The following USP34 variants were observed in gnomAD, a reference collection of about 807,000 sequenced individuals.
USP34 encodes the protein ubiquitin specific peptidase 34, also known as ubiquitin carboxyl-terminal hydrolase 34.
Under a neutral mutation model 460.3 loss-of-function variants are expected in USP34, and 70 were observed. The ratio of observed to expected loss-of-function variants is 0.15; its 90% CI spans 0.13 to 0.19. The LOEUF (loss-of-function observed/expected upper bound fraction) is 0.19, where lower values mean the gene tolerates loss of function less well. Among genes scored for constraint, USP34 ranks in the 10% least tolerant of loss-of-function variants. The pLI, the probability that USP34 is intolerant of heterozygous loss-of-function variation, is 1.00. For synonymous variants in USP34, 1,647 were observed against 1,405.3 expected (o/e 1.17, Z -3.85); for missense variants, 3,985 against 4,236.2 (o/e 0.94, Z 1.65).
chr2:61,229,051 G>T, intron 59 of USP34, 56 bp from the exon 60 acceptor site: 1 of 1,320,476 alleles, frequency 7.6e-7, no homozygotes, highest in South Asian at 2.2e-5. Context: ...AATACTGTTC[G>T]AGAGAAAAAG....
intron 1 of USP34, among the ~76,000 whole-genome samples, chr2:61,462,252 A>G (rs568922688): frequency 1.4e-4 from 21 of 149,988 alleles, no homozygotes; most frequent in African/African-American, 5.2e-4. Context: ...GGGGAAAAAA[A>G]AAAAAAAGAA....
chr2:61,225,467 ACTT>A (rs1687700665), intron 62 of USP34, among the ~76,000 whole-genome samples: 1 of 152,028 alleles, frequency 6.6e-6, no homozygotes, highest in South Asian at 2.1e-4. Flanking sequence ...TTTAGAGATT[ACTT>A]CTTATTCATT....
chr2:61,446,053 A>G (rs1048406421), intron 1 of USP34, among the ~76,000 whole-genome samples: 2 of 148,920 alleles, frequency 1.3e-5, no homozygotes, highest in African/African-American at 2.5e-5. Context: ...GGCAGAGATT[A>G]CAGTGAGCCA....
intron 3 of USP34, among the ~76,000 whole-genome samples, chr2:61,395,831 C>T (rs566671414): frequency 4.7e-5 from 7 of 150,034 alleles, no homozygotes; most frequent in Non-Finnish European, 7.4e-5. Flanking sequence ...TTTGGGAGGC[C>T]GAGGCGGGTG....
At chr2:61,387,503 ATATG>A (rs954901399) in intron 5 of USP34, among the ~76,000 whole-genome samples, 10 of 148,786 alleles carry the variant, frequency 6.7e-5, no homozygotes, top group Admixed American at 4.0e-4. Context: ...GAGTGTATAT[ATATG>A]TATGTATGTA....
chr2:61,272,033 G>A (rs572671468), intron 41 of USP34, among the ~76,000 whole-genome samples: 56 of 152,164 alleles, frequency 3.7e-4, no homozygotes, highest in Non-Finnish European at 6.9e-4. Context: ...TGGTTTTACC[G>A]CCTATTACCC....
At chr2:61,231,929 G>T (rs1687917859) in intron 58 of USP34, among the ~76,000 whole-genome samples, 1 of 150,650 alleles carries the variant, frequency 6.6e-6, no homozygotes, top group Non-Finnish European at 1.5e-5. Context: ...ATAGTAACTG[G>T]AAAGTGGCAT....
At chr2:61,235,698 T>G (rs1572858726) in intron 57 of USP34, 147 bp downstream of exon 57, 1 of 693,720 alleles carries the variant, frequency 1.4e-6, no homozygotes, top group African/African-American at 1.8e-5. Flanking sequence ...AAATTATAAC[T>G]TTCTCAGCTA....
chr2:61,257,525 C>G (rs185554725), intron 44 of USP34, among the ~76,000 whole-genome samples, 175 bp from the exon 45 acceptor site: 159 of 152,206 alleles, frequency 1.0e-3, no homozygotes, highest in Non-Finnish European at 1.6e-3. Flanking sequence ...ATTTAATGGT[C>G]TTGGTGCTAG....
At chr2:61,224,654 T>C (rs1368088148) in intron 62 of USP34, among the ~76,000 whole-genome samples, 1 of 152,226 alleles carries the variant, frequency 6.6e-6, no homozygotes, top group Non-Finnish European at 1.5e-5. Context: ...CTGTTTTCCA[T>C]TATTTATCAG....
At chr2:61,385,882 G>C (rs1229108588) in intron 5 of USP34, among the ~76,000 whole-genome samples, 2 of 150,576 alleles carry the variant, frequency 1.3e-5, no homozygotes, top group Non-Finnish European at 2.9e-5. Flanking sequence ...TGTAATCCCA[G>C]CTACTTGGGA....
intron 25 of USP34, among the ~76,000 whole-genome samples, chr2:61,312,471 T>C (rs72886832): frequency 0.13 from 19,433 of 150,462 alleles, 1,412 homozygotes; most frequent in African/African-American, 0.16. Flanking sequence ...AATTTTCTAA[T>C]TTTCAGATGT....
chr2:61,432,506 C>A (rs1694707188), intron 1 of USP34, among the ~76,000 whole-genome samples: 1 of 151,780 alleles, frequency 6.6e-6, no homozygotes, highest in Non-Finnish European at 1.5e-5. Flanking sequence ...AAGCTGGACA[C>A]AGTGGTGTGT....
intron 43 of USP34, among the ~76,000 whole-genome samples, chr2:61,261,972 T>A (rs1688892724): frequency 6.6e-6 from 1 of 150,392 alleles, no homozygotes; most frequent in African/African-American, 2.5e-5. Context: ...GTGCCTGTAA[T>A]CCCAGCTATT....
intron 10 of USP34, among the ~76,000 whole-genome samples, chr2:61,365,649 G>A (rs926776947): frequency 6.6e-6 from 1 of 151,986 alleles, no homozygotes; most frequent in African/African-American, 2.4e-5. Flanking sequence ...CAGGAGTTGA[G>A]GAAAAAGGAT....
At position 61,453,199 on chromosome 2, in the gene USP34, C is replaced by T. The variant is rs541105126; in HGVS notation, c.43+17451G>A. 2.9e-4 allele frequency among the ~76,000 whole-genome samples: 44 copies of T among 151,642 alleles called. 1 individual carries two copies. In the East Asian group the frequency reaches 8.4e-3, roughly 29 times the overall value. On this transcript the variant is annotated intron_variant, in intron 1 of 79. Coordinates refer to ENST00000398571, the MANE Select transcript of USP34 (RefSeq NM_014709.4). The stretch of plus-strand genomic sequence containing the variant: ...GCCGAAGCGGGTGGATTGCTAGAGC[C>T]CATGAGTTCGAGACCAGCCTGGGCA...
At position 61,232,548 on chromosome 2, in the gene USP34, A is replaced by T. The variant is rs1361256575; in HGVS notation, c.7033-16T>A. 6.3e-6 allele frequency: 10 copies of T among 1,587,432 alleles called. No homozygotes were observed. The highest frequency in any genetic ancestry group is 8.6e-6 in the Non-Finnish European group (10 of 1,166,296). On this transcript the variant is annotated splice_polypyrimidine_tract_variant and intron_variant, in intron 57 of 79. Coordinates refer to ENST00000398571, the MANE Select transcript of USP34 (RefSeq NM_014709.4). Reference sequence around the variant, plus strand: ...CTAAAAACCACTGTTAAAAAAAAATACAGCATGACTTTAACATTCAACAAA... The same window carrying T: ...CTAAAAACCACTGTTAAAAAAAAATTCAGCATGACTTTAACATTCAACAAA...
intron 20 of USP34, among the ~76,000 whole-genome samples, chr2:61,328,854 A>G (rs563458890): frequency 2.6e-5 from 4 of 152,238 alleles, no homozygotes; most frequent in African/African-American, 7.2e-5. Flanking sequence ...CCCTTTCACT[A>G]TGCCTCTCAA....
At chr2:61,273,447 G>C (rs890304476) in intron 41 of USP34, among the ~76,000 whole-genome samples, 1 of 152,220 alleles carries the variant, frequency 6.6e-6, no homozygotes, top group African/African-American at 2.4e-5. Context: ...GGTCAGGCGT[G>C]GTGGCTCATG....
Sources: gnomAD v4.1 joint callset for allele counts (sites outside exome capture counted in the v4.1 genomes callset) on GRCh38, gnomAD v4.1.1 for gene constraint, MANE v1.5 for transcripts, NCBI Gene and HGNC (gene_info 2026-07-23, HGNC 2026-07-21) for gene names.